PCDH15: variants seen among roughly 807,000 people sequenced by gnomAD.
The protein encoded by PCDH15 is protocadherin related 15, also known as protocadherin-15.
PCDH15 carries 129 observed loss-of-function variants against 178.5 expected under a neutral mutation model. The observed-to-expected ratio is 0.72, with a 90% CI of 0.63 to 0.84. PCDH15 has a LOEUF of 0.84. PCDH15 is among the 40% of genes least tolerant of loss of function. PCDH15 has a pLI of 0.00. For synonymous variants in PCDH15, 800 were observed against 732.0 expected, an observed-to-expected ratio of 1.09 and a Z score of -1.50; for missense variants, 2,230 against 2,099.9, an observed-to-expected ratio of 1.06 and a Z score of -1.21.
intron 2 of PCDH15, among the ~76,000 whole-genome samples, chr10:55,150,119 A>G (rs12774935): frequency 6.6e-6 from 1 of 151,600 alleles, no homozygotes; most frequent in African/African-American, 2.4e-5. Flanking sequence ...GAGAGAAGAG[A>G]AGAGGAGAGA....
At chr10:55,170,969 C>T (rs971738103) in intron 1 of PCDH15, among the ~76,000 whole-genome samples, 2 of 152,216 alleles carry the variant, frequency 1.3e-5, no homozygotes, top group Admixed American at 6.5e-5. Context: ...GGATACCTCA[C>T]TTCCTGATGT....
intron 2 of PCDH15, among the ~76,000 whole-genome samples, chr10:54,967,365 T>C (rs1259822397): frequency 6.6e-6 from 1 of 152,184 alleles, no homozygotes; most frequent in Non-Finnish European, 1.5e-5. Context: ...ATCACCACCA[T>C]CAAGGTAATT....
chr10:55,470,507 AAC>A, intron 2 of PCDH15, among the ~76,000 whole-genome samples: 1 of 152,264 alleles, frequency 6.6e-6, no homozygotes, highest in South Asian at 2.1e-4. Context: ...ATACTTTGAT[AAC>A]AGTTTTTTTA....
At chr10:54,770,985 A>G (rs1949023678) in intron 1 of PCDH15, among the ~76,000 whole-genome samples, 1 of 152,016 alleles carries the variant, frequency 6.6e-6, no homozygotes, top group South Asian at 2.1e-4. Flanking sequence ...CAATGTGCCC[A>G]TATTTTTACC....
intron 2 of PCDH15, among the ~76,000 whole-genome samples, chr10:54,640,507 AATAAT>A (rs1458396389): frequency 1.4e-4 from 21 of 152,098 alleles, no homozygotes; most frequent in East Asian, 1.9e-4. Context: ...GTTTAGATGA[AATAAT>A]ATAATACCTA....
intron 3 of PCDH15, among the ~76,000 whole-genome samples, chr10:54,876,550 A>G: frequency 6.6e-6 from 1 of 152,198 alleles, no homozygotes; most frequent in East Asian, 1.9e-4. Context: ...AGAGGTCAAA[A>G]TGTCAACACC....
intron 3 of PCDH15, among the ~76,000 whole-genome samples, chr10:54,433,781 C>A (rs1395776781): frequency 6.6e-6 from 1 of 152,012 alleles, no homozygotes; most frequent in Non-Finnish European, 1.5e-5. Flanking sequence ...ATATTACATG[C>A]CCGTATCAAA....
At chr10:54,724,197 T>C (rs1430246433) in intron 1 of PCDH15, among the ~76,000 whole-genome samples, 2 of 151,720 alleles carry the variant, frequency 1.3e-5, no homozygotes, top group Non-Finnish European at 2.9e-5. Flanking sequence ...CATGACAAAC[T>C]GTGCAGCCAT....
chr10:55,078,694 G>C (rs1262447874), intron 2 of PCDH15, among the ~76,000 whole-genome samples: 1 of 151,854 alleles, frequency 6.6e-6, no homozygotes, highest in Admixed American at 6.6e-5. Context: ...ATTTTTTAGT[G>C]TTGATTTCTG....
intron 2 of PCDH15, among the ~76,000 whole-genome samples, chr10:54,956,487 A>G (rs1200957160): frequency 6.6e-6 from 1 of 151,530 alleles, no homozygotes. Flanking sequence ...TCTTTAAATA[A>G]CTGAGAATGT....
chr10:54,333,665 T>C (rs1465303074), intron 6 of PCDH15, among the ~76,000 whole-genome samples: 1 of 152,012 alleles, frequency 6.6e-6, no homozygotes, highest in Admixed American at 6.6e-5. Context: ...CTTAGAACAT[T>C]CTTAAAGTTT....
At chr10:54,903,866 G>A (rs1055394342) in intron 2 of PCDH15, among the ~76,000 whole-genome samples, 1 of 152,046 alleles carries the variant, frequency 6.6e-6, no homozygotes, top group Non-Finnish European at 1.5e-5. Context: ...TGAATATGAA[G>A]AGCGTAGTTC....
chr10:55,595,614 A>G (rs1842922373), intron 2 of PCDH15, among the ~76,000 whole-genome samples: 1 of 152,048 alleles, frequency 6.6e-6, no homozygotes, highest in East Asian at 1.9e-4. Context: ...TATTTAAGTT[A>G]TTTTTTTAAA....
At position 54,823,371 on chromosome 10, in the gene PCDH15, A is replaced by G. The variant is rs139893283; in HGVS notation, c.-29+74079T>C. Among the ~76,000 whole-genome samples, 361 of 152,224 alleles carry G rather than the reference A, an allele frequency of 2.4e-3. 3 individuals are homozygous for G. The East Asian group carries it at 0.024, about 10-fold the overall frequency. On this transcript the variant is annotated intron_variant, in intron 3 of 5. Transcript: ENST00000458638. ...GTTAAGCTTCCCTCCAAGAGATAAC[A>G]TTACCATTATTATTCTACAGCAAGA...
intron 1 of PCDH15, among the ~76,000 whole-genome samples, chr10:55,213,092 T>C (rs1249106978): frequency 6.6e-6 from 1 of 152,148 alleles, no homozygotes; most frequent in East Asian, 1.9e-4. Flanking sequence ...ATGGTTCTTT[T>C]ACTGAACTGT....
intron 3 of PCDH15, among the ~76,000 whole-genome samples, chr10:54,489,630 AAG>A (rs1565405638): frequency 2.0e-5 from 3 of 152,266 alleles, no homozygotes; most frequent in Admixed American, 6.5e-5. Flanking sequence ...CATTAGAGAG[AAG>A]AGAGAGATGT....
At chr10:54,993,039 CTTGACTGTAGTA>C (rs1839542352) in intron 2 of PCDH15, among the ~76,000 whole-genome samples, 1 of 151,928 alleles carries the variant, frequency 6.6e-6, no homozygotes, top group African/African-American at 2.4e-5. Context: ...ATTGATAGAT[CTTGACTGTAGTA>C]TTGTAAAGGA....
chr10:54,945,929 T>C (rs558067304), intron 2 of PCDH15, among the ~76,000 whole-genome samples: 1 of 151,976 alleles, frequency 6.6e-6, no homozygotes, highest in East Asian at 1.9e-4. Context: ...TAAATAAATA[T>C]TATGTGTGTT....
At chr10:54,520,291 A>T (rs1269527875) in intron 3 of PCDH15, among the ~76,000 whole-genome samples, 1 of 152,212 alleles carries the variant, frequency 6.6e-6, no homozygotes, top group Non-Finnish European at 1.5e-5. Context: ...ACAAAATGGG[A>T]GAAAATTTTT....
Sources: allele counts gnomAD v4.1 joint callset (sites outside exome capture counted in the v4.1 genomes callset), GRCh38; gene constraint gnomAD v4.1.1; transcripts MANE v1.5; gene names NCBI Gene and HGNC (gene_info 2026-07-23, HGNC 2026-07-21).